ZNF143: variants seen among roughly 807,000 people sequenced by gnomAD.
ZNF143 encodes the protein zinc finger protein 143.
A neutral mutation model predicts 74.1 loss-of-function variants in ZNF143; 49 were observed. The ratio of observed to expected loss-of-function variants is 0.66; its 90% confidence interval spans 0.53 to 0.84. ZNF143 has a LOEUF of 0.84. Among genes scored for constraint, ZNF143 ranks in the 40% least tolerant of loss-of-function variants. The pLI is 0.00. For synonymous variants in ZNF143, 304 were observed against 282.8 expected (o/e 1.07, Z -0.75); for missense variants, 637 against 793.4 (o/e 0.80, Z 2.37).
intron 14 of ZNF143, among the ~76,000 whole-genome samples, chr11:9,520,007 AAGACACTGTTTCCACCAATTTTT>A: frequency 6.6e-6 from 1 of 150,708 alleles, no homozygotes; most frequent in South Asian, 2.1e-4. Flanking sequence ...GCAATGTAGC[AAGACACTGTTTCCACCAATTTTT>A]TTTTTTTTTT....
At chr11:9,518,583 G>A (rs1848801490) in intron 14 of ZNF143, among the ~76,000 whole-genome samples, 1 of 152,140 alleles carries the variant, frequency 6.6e-6, no homozygotes, top group Admixed American at 6.6e-5. Context: ...AGGCGTGGTG[G>A]CAGGGTGCCT....
At chr11:9,525,902 G>A (rs142584222) in intron 15 of ZNF143, among the ~76,000 whole-genome samples, 2 of 152,284 alleles carry the variant, frequency 1.3e-5, no homozygotes, top group East Asian at 1.9e-4. Context: ...AGCACTTTGG[G>A]AGGCTGAGAC....
intron 7 of ZNF143, among the ~76,000 whole-genome samples, chr11:9,486,637 A>G (rs1232529631): frequency 3.4e-5 from 5 of 145,792 alleles, no homozygotes; most frequent in African/African-American, 1.0e-4. Context: ...CAGAAAAGAA[A>G]AAACATTATT....
chr11:9,510,747 T>G (rs1156850927), intron 12 of ZNF143, among the ~76,000 whole-genome samples: 1 of 151,910 alleles, frequency 6.6e-6, no homozygotes, highest in Non-Finnish European at 1.5e-5. Context: ...TTTTTTTTGC[T>G]CTCTTTCTGA....
chr11:9,512,371 C>G, intron 12 of ZNF143, 77 bp from the exon 13 acceptor site: 1 of 1,521,210 alleles, frequency 6.6e-7, no homozygotes, highest in East Asian at 2.3e-5. Flanking sequence ...GTAATTTTCT[C>G]TTTAATATTT....
intron 7 of ZNF143, among the ~76,000 whole-genome samples, chr11:9,486,696 T>G (rs1847566711): frequency 6.7e-6 from 1 of 148,874 alleles, no homozygotes; most frequent in Non-Finnish European, 1.5e-5. Context: ...TGAGACAGAG[T>G]CTCACTCTGT....
intron 6 of ZNF143, 117 bp from the exon 7 acceptor site, chr11:9,479,355 A>G (rs1303534268): frequency 1.1e-5 from 7 of 638,214 alleles, no homozygotes; most frequent in East Asian, 3.5e-5. Flanking sequence ...ATGAAGCCCC[A>G]TGTACTTTTT....
intron 2 of ZNF143, among the ~76,000 whole-genome samples, chr11:9,472,441 A>T (rs987042337): frequency 6.6e-6 from 1 of 152,060 alleles, no homozygotes; most frequent in South Asian, 2.1e-4. Context: ...TTTAGTAGAG[A>T]CGGGGTTTCA....
In ZNF143 at chr11:9,494,166, A is replaced by G. The variant is rs148606020; in HGVS notation, c.646-480A>G. 2.8e-3 allele frequency among the ~76,000 whole-genome samples: 425 copies of G among 152,294 alleles called. 4 individuals carry two copies. Among genetic ancestry groups the G allele is most frequent in the African/African-American group, 9.2e-3 (381 of 41,552 alleles). On this transcript the variant is annotated intron_variant, in intron 7 of 15. Coordinates refer to ENST00000396602, the MANE Select transcript of ZNF143 (RefSeq NM_003442.6). The stretch of plus-strand genomic sequence containing the variant: ...TGTACTTTCAGAGTCACTGACTTCA[A>G]CCATGCAATGGAATTAACCTGACCG...
intron 5 of ZNF143, 66 bp from the exon 6 acceptor site, chr11:9,478,324 T>G: frequency 6.5e-7 from 1 of 1,535,494 alleles, no homozygotes; most frequent in Non-Finnish European, 8.9e-7. Context: ...TCTCTCTTCC[T>G]TTAAATATGT....
chr11:9,525,691 G>T (rs562582592), intron 15 of ZNF143, among the ~76,000 whole-genome samples: 1 of 152,252 alleles, frequency 6.6e-6, no homozygotes, highest in South Asian at 2.1e-4. Context: ...TTAGGCAGGG[G>T]TCTGTAAAGC....
At chr11:9,491,585 C>T (rs1049629532) in intron 7 of ZNF143, among the ~76,000 whole-genome samples, 49 of 151,632 alleles carry the variant, frequency 3.2e-4, no homozygotes, top group African/African-American at 9.2e-4. Flanking sequence ...CTACAGTGAG[C>T]GGAGATCGCA....
In ZNF143 at chr11:9,479,564, T is replaced by A; in HGVS notation, c.645+18T>A. ...AAATGCAGGTATGTAAAGCTACTTT[T>A]TAATATAAAAATCTAGCTTAGCATT... On this transcript the variant is annotated intron_variant, in intron 7 of 15. Transcript: ENST00000396602. The A allele has an allele frequency of 1.2e-6, 2 of 1,603,642 alleles. No homozygotes were observed. The highest frequency in any genetic ancestry group is 2.2e-5 in the South Asian group (2 of 90,538).
rs547707444 is a variant in ZNF143, at chr11:9,507,163, TG to T, written c.1148-1449del. On this transcript the variant is annotated intron_variant, in intron 11 of 15. Transcript: ENST00000396602. ...GTACATTAGTGTGGTATCTTATTTT[TG>T]GGGGGGTTTACTGTGTTTAGAACCA... 4.5e-4 allele frequency among the ~76,000 whole-genome samples: 69 copies of T among 152,294 alleles called. 1 individual carries two copies. In the South Asian group the frequency reaches 0.014, roughly 31 times the overall value.
chr11:9,472,428 A>G (rs930387608), intron 2 of ZNF143, among the ~76,000 whole-genome samples: 1 of 151,916 alleles, frequency 6.6e-6, no homozygotes, highest in Non-Finnish European at 1.5e-5. Context: ...TAATTTTTAT[A>G]TTTTTAGTAG....
intron 7 of ZNF143, among the ~76,000 whole-genome samples, chr11:9,486,439 A>AATATATTAT (rs1302455588): frequency 4.3e-5 from 1 of 23,134 alleles, no homozygotes; most frequent in Non-Finnish European, 8.2e-5. Context: ...TTATATATAT[A>AATATATTAT]ATATATTATA....
chr11:9,525,894 C>T (rs755159437), intron 15 of ZNF143, among the ~76,000 whole-genome samples: 1 of 152,142 alleles, frequency 6.6e-6, no homozygotes, highest in Non-Finnish European at 1.5e-5. Flanking sequence ...ATAATCCTAG[C>T]ACTTTGGGAG....
In ZNF143 at chr11:9,478,438, C is replaced by T. The variant is rs777301290; in HGVS notation, c.422C>T (p.Thr141Ile). 1.2e-6 allele frequency: 2 copies of T among 1,614,110 alleles called. No individual in the cohort carries two copies. The highest frequency in any genetic ancestry group is 2.2e-5 in the East Asian group (1 of 44,880). ...CAGGCGGTTCAGCTGGAAGATGGTA[C>T]CACAGCTTATATCCACCATGCAGTG... ...ALQAVQLEDG[T>I]TAYIHHAVQV... Residue 141 changes from threonine (T) to isoleucine (I), a missense_variant, in exon 6 of 16, where the codon ACC becomes ATC. By Grantham distance (89) the Thr-to-Ile change is moderately conservative (BLOSUM62 -1). Around this residue, in one of 2 missense-constraint regions of ZNF143, gnomAD observed 293 missense variants for 307.8 expected, o/e 0.95. Coordinates refer to ENST00000396602, the MANE Select transcript of ZNF143 (RefSeq NM_003442.6).
intron 15 of ZNF143, 192 bp downstream of exon 15, chr11:9,525,578 C>A: frequency 1.4e-6 from 1 of 712,412 alleles, no homozygotes; most frequent in Admixed American, 2.5e-5. Flanking sequence ...CTCTACCCAT[C>A]TTTGCATATT....
Sources: allele counts gnomAD v4.1 joint callset (sites outside exome capture counted in the v4.1 genomes callset), GRCh38; gene constraint gnomAD v4.1.1; regional missense constraint gnomAD v4.1.1; transcripts MANE v1.5; gene names NCBI Gene and HGNC (gene_info 2026-07-23, HGNC 2026-07-21).